The following RTTN variants were observed in gnomAD, a reference collection of about 807,000 sequenced individuals.
RTTN encodes the protein rotatin.
RTTN carries 182 observed loss-of-function variants against 269.2 expected under a neutral mutation model. The ratio of observed to expected loss-of-function variants is 0.68; its 90% CI spans 0.60 to 0.76. The LOEUF (loss-of-function observed/expected upper bound fraction) is 0.76, where lower values mean the gene tolerates loss of function less well. RTTN is among the 30% of genes least tolerant of loss of function. The pLI, the probability that RTTN is intolerant of heterozygous loss-of-function variation, is 0.00. For missense variants in RTTN, 2,545 were observed against 2,608.6 expected (o/e 0.98, Z 0.53); for synonymous variants, 1,006 against 963.5 (o/e 1.04, Z -0.82).
chr18:70,143,075 C>G (rs1203088583), intron 18 of RTTN, among the ~76,000 whole-genome samples: 1 of 152,078 alleles, frequency 6.6e-6, no homozygotes, highest in Non-Finnish European at 1.5e-5. Context: ...GATGGTCCCT[C>G]GTAGCAGTTT....
chr18:70,029,937 C>A, intron 42 of RTTN, 75 bp downstream of exon 42: 1 of 991,668 alleles, frequency 1.0e-6, no homozygotes, highest in Non-Finnish European at 1.6e-6. Context: ...ATTTCAAGCT[C>A]GTGCTCATTT....
chr18:70,072,743 A>C (rs1446066210), intron 34 of RTTN, among the ~76,000 whole-genome samples: 1 of 152,140 alleles, frequency 6.6e-6, no homozygotes, highest in African/African-American at 2.4e-5. Context: ...AACAAACAAA[A>C]TTTACTTTTA....
chr18:70,187,920 T>C (rs1462124272), intron 10 of RTTN, among the ~76,000 whole-genome samples, 188 bp downstream of exon 10: 1 of 152,188 alleles, frequency 6.6e-6, no homozygotes, highest in Non-Finnish European at 1.5e-5. Flanking sequence ...TACGTTCCAC[T>C]ATTAGAAGTA....
At chr18:70,039,598 CAAG>C (rs766925183) in intron 40 of RTTN, among the ~76,000 whole-genome samples, 5 of 152,110 alleles carry the variant, frequency 3.3e-5, no homozygotes, top group Non-Finnish European at 7.4e-5. Context: ...TGTTCGTGAG[CAAG>C]AAGAAATCAT....
chr18:70,082,974 T>C (rs940737775), intron 32 of RTTN, among the ~76,000 whole-genome samples: 1 of 152,196 alleles, frequency 6.6e-6, no homozygotes, highest in Non-Finnish European at 1.5e-5. Context: ...ATTACAGGCA[T>C]GAGCCACCAC....
chr18:70,099,815 C>A (rs1221196435), intron 28 of RTTN, among the ~76,000 whole-genome samples: 2 of 152,220 alleles, frequency 1.3e-5, no homozygotes, highest in African/African-American at 4.8e-5. Flanking sequence ...CCAGTTTTCC[C>A]AGTACCATTT....
chr18:70,109,384 A>G (rs556593303), intron 28 of RTTN, 114 bp downstream of exon 28: 68 of 705,832 alleles, frequency 9.6e-5, no homozygotes, highest in African/African-American at 8.1e-4. Context: ...TATGACTTAT[A>G]TAAATAATGT....
At chr18:70,085,968 AAG>A in intron 32 of RTTN, among the ~76,000 whole-genome samples, 1 of 152,262 alleles carries the variant, frequency 6.6e-6, no homozygotes, top group East Asian at 1.9e-4. Context: ...ATATCCCATG[AAG>A]CTAGAATTTT....
chr18:70,169,326 T>C (rs1422853331), intron 11 of RTTN, among the ~76,000 whole-genome samples: 1 of 152,208 alleles, frequency 6.6e-6, no homozygotes, highest in Non-Finnish European at 1.5e-5. Flanking sequence ...TACTTTCTTC[T>C]TCCCCAAACC....
chr18:70,043,904 A>C (rs2057415920), intron 40 of RTTN, among the ~76,000 whole-genome samples: 1 of 152,262 alleles, frequency 6.6e-6, no homozygotes. Context: ...TGGAAGTGTG[A>C]GGAGCCTGGA....
At chr18:70,175,550 A>G (rs186876319) in intron 11 of RTTN, among the ~76,000 whole-genome samples, 22 of 152,252 alleles carry the variant, frequency 1.4e-4, no homozygotes, top group African/African-American at 4.6e-4. Flanking sequence ...TCTTTTGATC[A>G]GGTGCTAAAA....
At chr18:70,182,679 T>C (rs1354626478) in intron 10 of RTTN, among the ~76,000 whole-genome samples, 1 of 152,210 alleles carries the variant, frequency 6.6e-6, no homozygotes, top group Non-Finnish European at 1.5e-5. Flanking sequence ...AAAAAAGATA[T>C]GTTTTCCAGT....
intron 15 of RTTN, among the ~76,000 whole-genome samples, chr18:70,150,329 TCTG>T (rs1024989591): frequency 3.2e-4 from 49 of 152,336 alleles, no homozygotes; most frequent in African/African-American, 1.2e-3. Flanking sequence ...ACTGAAATAA[TCTG>T]CTTACTACCT....
intron 40 of RTTN, among the ~76,000 whole-genome samples, chr18:70,036,091 A>G (rs1056532005): frequency 6.6e-6 from 1 of 152,142 alleles, no homozygotes; most frequent in Admixed American, 6.6e-5. Flanking sequence ...ATGCTTATAC[A>G]CAGTGGGAGT....
At chr18:70,104,733 C>T (rs1245885365) in intron 28 of RTTN, among the ~76,000 whole-genome samples, 1 of 152,200 alleles carries the variant, frequency 6.6e-6, no homozygotes, top group Non-Finnish European at 1.5e-5. Flanking sequence ...CCCTCAGCTG[C>T]AGGTCTGCTG....
At chr18:70,087,182 TGAA>T (rs1340952847) in intron 31 of RTTN, among the ~76,000 whole-genome samples, 1 of 152,084 alleles carries the variant, frequency 6.6e-6, no homozygotes, top group Non-Finnish European at 1.5e-5. Context: ...GACTAGATCC[TGAA>T]GATGATCAAA....
chr18:70,098,761 T>C (rs2059072741), intron 28 of RTTN, among the ~76,000 whole-genome samples: 2 of 152,198 alleles, frequency 1.3e-5, no homozygotes, highest in Non-Finnish European at 2.9e-5. Context: ...GTCATTTATA[T>C]TAGGTATATC....
At chr18:70,136,783 G>C (rs532301740) in intron 21 of RTTN, among the ~76,000 whole-genome samples, 1 of 151,484 alleles carries the variant, frequency 6.6e-6, no homozygotes, top group South Asian at 2.1e-4. Flanking sequence ...TTTGACCTAG[G>C]AATTCCAACA....
Position 70,197,725 on chromosome 18 carries a change from T to C in RTTN, c.592A>G (p.Ser198Gly), listed in dbSNP as rs748797114. The C allele has an allele frequency of 1.3e-6, 2 of 1,598,438 alleles. No homozygotes were observed. Among genetic ancestry groups the C allele is most frequent in the East Asian group, 2.2e-5 (1 of 44,764 alleles). Residue 198 changes from serine (S) to glycine (G), a missense_variant, in exon 6 of 49, where the codon AGT becomes GGT. Ser to Gly is a moderately conservative substitution (Grantham distance 56, BLOSUM62 0). Coordinates refer to ENST00000640769, the MANE Select transcript of RTTN (RefSeq NM_173630.4). ...LSSNESSLRS[S>G]NHTLIWNTCE... Reference sequence around the variant, plus strand: ...GTGTTCCAGATTAAAGTGTGGTTACTACTTCTTAAAGAGCTACAAAACATA... The same window carrying C: ...GTGTTCCAGATTAAAGTGTGGTTACCACTTCTTAAAGAGCTACAAAACATA...
Sources: gnomAD v4.1 joint callset for allele counts (sites outside exome capture counted in the v4.1 genomes callset) on GRCh38, gnomAD v4.1.1 for gene constraint, MANE v1.5 for transcripts, NCBI Gene and HGNC (gene_info 2026-07-23, HGNC 2026-07-21) for gene names.